The following CD96 variants were observed in gnomAD, a reference collection of about 807,000 sequenced individuals.
CD96 encodes T-cell surface protein tactile.
Under a neutral mutation model 71.3 loss-of-function variants are expected in CD96, and 70 were observed. The ratio of observed to expected loss-of-function variants is 0.98; its 90% confidence interval spans 0.81 to 1.20. The LOEUF is 1.20. CD96 is among the 50% of genes most tolerant of loss of function. The probability of loss-of-function intolerance (pLI) is 0.00; values close to 1 mark genes in which losing one functional copy is unlikely to be tolerated. For synonymous variants in CD96, 248 were observed against 233.0 expected (o/e 1.06, Z -0.59); for missense variants, 742 against 677.5 (o/e 1.10, Z -1.06).
intron 4 of CD96, among the ~76,000 whole-genome samples, chr3:111,581,631 C>T (rs1044713813): frequency 3.9e-5 from 6 of 152,192 alleles, no homozygotes; most frequent in Non-Finnish European, 8.8e-5. Flanking sequence ...GTCACCTGCC[C>T]ATCACAGGGT....
chr3:111,613,230 A>G (rs1373756879), intron 8 of CD96, among the ~76,000 whole-genome samples: 3 of 152,052 alleles, frequency 2.0e-5, no homozygotes, highest in Admixed American at 2.0e-4. Flanking sequence ...CCTATTTTTC[A>G]GTTTATTTCA....
intron 10 of CD96, among the ~76,000 whole-genome samples, chr3:111,629,890 T>A (rs901268141): frequency 2.0e-5 from 3 of 152,058 alleles, no homozygotes; most frequent in African/African-American, 7.2e-5. Flanking sequence ...TACATAAAAA[T>A]TGAACAACCT....
chr3:111,557,123 A>C (rs1935102329), intron 2 of CD96, among the ~76,000 whole-genome samples: 1 of 108,638 alleles, frequency 9.2e-6, no homozygotes, highest in Non-Finnish European at 1.8e-5. Context: ...TCAGATGAGT[A>C]GGTTGCGAAA....
intron 10 of CD96, among the ~76,000 whole-genome samples, chr3:111,630,356 A>G (rs1209980581): frequency 6.6e-6 from 1 of 152,198 alleles, no homozygotes; most frequent in African/African-American, 2.4e-5. Flanking sequence ...AATACAAACA[A>G]TCGTTAGAGA....
intron 1 of CD96, 68 bp downstream of exon 1, chr3:111,542,377 T>C (rs1220397199): frequency 9.4e-6 from 7 of 744,540 alleles, no homozygotes; most frequent in Non-Finnish European, 8.9e-6. Context: ...CTCTGTTCAT[T>C]TAAAATGCCT....
chr3:111,571,432 A>G (rs1211387931), intron 3 of CD96, among the ~76,000 whole-genome samples: 1 of 152,014 alleles, frequency 6.6e-6, no homozygotes, highest in East Asian at 1.9e-4. Context: ...ATTAAGTATC[A>G]AAGACTTGAC....
At chr3:111,558,839 G>C (rs1040678531) in intron 2 of CD96, among the ~76,000 whole-genome samples, 2 of 149,576 alleles carry the variant, frequency 1.3e-5, no homozygotes, top group African/African-American at 4.9e-5. Flanking sequence ...TCTGGTCCTG[G>C]ACTCTTTTTG....
intron 3 of CD96, chr3:111,570,941 G>T: frequency 1.3e-6 from 2 of 1,562,980 alleles, no homozygotes; most frequent in Non-Finnish European, 1.8e-6. Context: ...CAAAGTAGGG[G>T]GTCTTGAGTG....
intron 5 of CD96, chr3:111,594,265 A>C: frequency 6.7e-7 from 1 of 1,497,782 alleles, no homozygotes; most frequent in Non-Finnish European, 9.0e-7. Flanking sequence ...TATTTGAACC[A>C]CAAGATTAAA....
downstream of CD96, among the ~76,000 whole-genome samples, chr3:111,654,120 T>C (rs756856627): frequency 3.4e-4 from 51 of 152,158 alleles, 1 homozygote; most frequent in Admixed American, 2.5e-3. Context: ...TTCAGAAATA[T>C]AGAAACTTTG....
At chr3:111,630,734 A>G (rs1939019483) in intron 10 of CD96, among the ~76,000 whole-genome samples, 1 of 152,230 alleles carries the variant, frequency 6.6e-6, no homozygotes. Context: ...AATATCCTTG[A>G]TGAACATCAA....
chr3:111,646,505 A>C (rs1939832969), intron 12 of CD96, among the ~76,000 whole-genome samples: 1 of 151,892 alleles, frequency 6.6e-6, no homozygotes, highest in Non-Finnish European at 1.5e-5. Flanking sequence ...ATAAGATACC[A>C]TCTCACATAA....
rs111615757 is a variant in CD96 at position 111,571,162 on chromosome 3, C to T, written c.543+3515C>T. 490 of 611,788 alleles carry T rather than the reference C, an allele frequency of 8.0e-4. 3 individuals are homozygous for T. In the African/African-American group the frequency reaches 8.3e-3, roughly 10 times the overall value. 37.9% of individuals were successfully genotyped at this position (611,788 alleles called of 1,614,324 possible). A position where few individuals can be genotyped will look rare whatever the true frequency, so the allele number is the denominator to read the frequency against. On this transcript the variant is annotated intron_variant, in intron 3 of 13. Coordinates refer to ENST00000352690, the MANE Select transcript of CD96 (RefSeq NM_005816.5). ...TCTACCTGGGTCCCCCTTTTCCCTG[C>T]CCCCTTTTCTTGCCTGGAGTAAGAG... is the stretch of plus-strand genomic sequence containing the variant.
At chr3:111,546,046 T>C (rs1316007242) in intron 2 of CD96, among the ~76,000 whole-genome samples, 1 of 151,104 alleles carries the variant, frequency 6.6e-6, no homozygotes, top group Non-Finnish European at 1.5e-5. Context: ...GAGGTGAAGA[T>C]GGACAAGAAG....
intron 2 of CD96, among the ~76,000 whole-genome samples, chr3:111,551,286 A>T (rs557493795): frequency 6.6e-6 from 1 of 152,206 alleles, no homozygotes; most frequent in African/African-American, 2.4e-5. Context: ...CAATTAATGA[A>T]GATGACAGTG....
intron 8 of CD96, among the ~76,000 whole-genome samples, chr3:111,614,791 C>T (rs1938147676): frequency 6.6e-6 from 1 of 152,200 alleles, no homozygotes; most frequent in Admixed American, 6.5e-5. Context: ...GAGTAAGGCA[C>T]CATGCCCCTT....
At chr3:111,630,907 C>G (rs1394962679) in intron 10 of CD96, among the ~76,000 whole-genome samples, 1 of 152,100 alleles carries the variant, frequency 6.6e-6, no homozygotes, top group Non-Finnish European at 1.5e-5. Context: ...AAGACAGAAA[C>G]CACATGATTA....
chr3:111,548,302 A>C (rs1576299020), intron 2 of CD96, among the ~76,000 whole-genome samples: 1 of 151,978 alleles, frequency 6.6e-6, no homozygotes, highest in Non-Finnish European at 1.5e-5. Context: ...TCCTGTTCCC[A>C]TGTTCCCCAA....
Position 111,621,137 on chromosome 3 carries a change from G to A in CD96, c.1181-2617G>A, listed in dbSNP as rs186785010. Among the ~76,000 whole-genome samples the A allele has an allele frequency of 1.4e-3, 214 of 152,308 alleles. 1 individual carries two copies. The highest frequency in any genetic ancestry group is 1.4e-3 in the Non-Finnish European group (92 of 68,030). On this transcript the variant is annotated intron_variant, in intron 8 of 13. Coordinates refer to ENST00000352690, the MANE Select transcript of CD96 (RefSeq NM_005816.5). Reference sequence around the variant, plus strand: ...TTGCAGGTAAGATATATTTTTAAAGGCTGCTGGCAGTTGCTTATTAGACTG... The same window carrying A: ...TTGCAGGTAAGATATATTTTTAAAGACTGCTGGCAGTTGCTTATTAGACTG...
Sources: allele counts gnomAD v4.1 joint callset (sites outside exome capture counted in the v4.1 genomes callset), GRCh38; gene constraint gnomAD v4.1.1; transcripts MANE v1.5; gene names NCBI Gene and HGNC (gene_info 2026-07-23, HGNC 2026-07-21).